Variants in ADK observed in about 807,000 individuals in gnomAD.
ADK encodes the protein N6,N6-dimethyladenosine kinase.
Under a neutral mutation model 44.7 loss-of-function variants are expected in ADK, and 24 were observed. The ratio of observed to expected loss-of-function variants is 0.54; its 90% CI spans 0.39 to 0.76. ADK has a LOEUF of 0.76. Among genes scored for constraint, ADK ranks in the 30% least tolerant of loss-of-function variants. The pLI is 0.00. For missense variants in ADK, 321 were observed against 425.1 expected (o/e 0.76, Z 2.15); for synonymous variants, 128 against 142.6 (o/e 0.90, Z 0.73).
chr10:74,392,220 T>A (rs1326802067), intron 4 of ADK, among the ~76,000 whole-genome samples: 2 of 152,170 alleles, frequency 1.3e-5, no homozygotes, highest in African/African-American at 4.8e-5. Context: ...TTTTTAATAT[T>A]TCTTTCAGGA....
intron 8 of ADK, among the ~76,000 whole-genome samples, chr10:74,593,438 A>G (rs1377061776): frequency 2.0e-5 from 3 of 150,626 alleles, no homozygotes; most frequent in African/African-American, 4.9e-5. Context: ...TATGATGGCT[A>G]TGGAATGACC....
intron 3 of ADK, among the ~76,000 whole-genome samples, chr10:74,258,352 A>G (rs1270123978): frequency 6.6e-6 from 1 of 152,140 alleles, no homozygotes; most frequent in Non-Finnish European, 1.5e-5. Context: ...ATTTACTTTC[A>G]AAGTACTCAG....
At chr10:74,225,160 C>T (rs1049794228) in intron 3 of ADK, among the ~76,000 whole-genome samples, 1 of 152,196 alleles carries the variant, frequency 6.6e-6, no homozygotes, top group African/African-American at 2.4e-5. Flanking sequence ...TCATTGCAAC[C>T]TCTCATTCCT....
chr10:74,199,458 T>C (rs1293211927), intron 1 of ADK, among the ~76,000 whole-genome samples: 1 of 152,188 alleles, frequency 6.6e-6, no homozygotes, highest in African/African-American at 2.4e-5. Context: ...GCTTTCTGTT[T>C]CTATGTTAAT....
intron 6 of ADK, among the ~76,000 whole-genome samples, chr10:74,403,421 A>G (rs1843786672): frequency 6.6e-6 from 1 of 151,948 alleles, no homozygotes; most frequent in African/African-American, 2.4e-5. Context: ...CGCTTTGTTT[A>G]CCTACTCAAG....
rs1218365325 is a variant in ADK at position 74,668,540 on chromosome 10, G to T, written c.878-1643G>T. ...TCACTTGAGGTCAGGAGTTCAAGAC[G>T]AGCCTGGCCAACATGGCAAAACCTA... On this transcript the variant is annotated intron_variant, in intron 9 of 10. Coordinates refer to ENST00000539909, the MANE Select transcript of ADK (RefSeq NM_006721.4). Among the ~76,000 whole-genome samples, 5 of 152,022 alleles carry T rather than the reference G, an allele frequency of 3.3e-5. No homozygotes were observed. In the South Asian group the frequency reaches 6.2e-4, roughly 19 times the overall value.
At chr10:74,632,699 A>G (rs1183218481) in intron 9 of ADK, among the ~76,000 whole-genome samples, 1 of 152,114 alleles carries the variant, frequency 6.6e-6, no homozygotes, top group African/African-American at 2.4e-5. Context: ...ATCTGCAAAG[A>G]CTTTATTTCC....
chr10:74,686,799 C>G (rs185152909), intron 10 of ADK, among the ~76,000 whole-genome samples: 1 of 152,068 alleles, frequency 6.6e-6, no homozygotes, highest in Non-Finnish European at 1.5e-5. Context: ...GCCTCAGCCT[C>G]CCAAGTAGCT....
At chr10:74,389,456 GA>G (rs1211658605) in intron 4 of ADK, among the ~76,000 whole-genome samples, 3 of 152,116 alleles carry the variant, frequency 2.0e-5, no homozygotes, top group Non-Finnish European at 2.9e-5. Flanking sequence ...AATTTTAACA[GA>G]AATCTTTGCA....
chr10:74,265,435 C>T (rs898280533), intron 3 of ADK, among the ~76,000 whole-genome samples: 3 of 152,002 alleles, frequency 2.0e-5, no homozygotes, highest in Admixed American at 1.3e-4. Flanking sequence ...AAGATGGTCT[C>T]AATCTCCTGA....
rs1295148071 is a variant in ADK, at chr10:74,537,678, C to G, written c.726+12252C>G. Among the ~76,000 whole-genome samples the G allele has an allele frequency of 2.0e-5, 3 of 152,058 alleles. No individual in the cohort carries two copies. The East Asian group carries it at 5.8e-4, about 29-fold the overall frequency. ...CCATAATCACTAGATAATTAACCTG[C>G]AAGGATTAAGTACACTCAACTTTGC... On this transcript the variant is annotated intron_variant, in intron 7 of 10. Transcript: ENST00000539909.
intron 7 of ADK, among the ~76,000 whole-genome samples, chr10:74,529,697 T>C (rs1025582789): frequency 2.0e-5 from 3 of 152,124 alleles, no homozygotes; most frequent in South Asian, 2.1e-4. Context: ...CTTTTCTCTT[T>C]TGGTATGATT....
chr10:74,610,829 A>G (rs1852512763), intron 9 of ADK, among the ~76,000 whole-genome samples: 1 of 152,106 alleles, frequency 6.6e-6, no homozygotes, highest in Non-Finnish European at 1.5e-5. Context: ...ACCTTATTAT[A>G]TTAAGCATGG....
intron 10 of ADK, among the ~76,000 whole-genome samples, chr10:74,700,634 GAAAAGA>G (rs1310312348): frequency 6.6e-6 from 1 of 150,408 alleles, no homozygotes; most frequent in Non-Finnish European, 1.5e-5. Flanking sequence ...AAAAAAAAAA[GAAAAGA>G]AAAAGAAAGA....
chr10:74,515,603 G>A (rs565749004), intron 6 of ADK, among the ~76,000 whole-genome samples: 347 of 152,272 alleles, frequency 2.3e-3, no homozygotes, highest in Non-Finnish European at 4.3e-3. Flanking sequence ...GGGGGTAAAG[G>A]ACTGTTGGGC....
intron 6 of ADK, among the ~76,000 whole-genome samples, chr10:74,477,252 T>G (rs117520661): frequency 0.016 from 2,509 of 152,258 alleles, 40 homozygotes; most frequent in Non-Finnish European, 0.029. Flanking sequence ...TTGCCTAGGC[T>G]GGAGTACAGT....
intron 7 of ADK, among the ~76,000 whole-genome samples, chr10:74,588,637 A>G (rs1288053882): frequency 6.6e-6 from 1 of 152,208 alleles, no homozygotes; most frequent in Non-Finnish European, 1.5e-5. Context: ...AAGGCAAAGA[A>G]TATTTGGTGA....
chr10:74,680,037 G>A (rs762444160), intron 10 of ADK, among the ~76,000 whole-genome samples: 9 of 150,942 alleles, frequency 6.0e-5, no homozygotes, highest in East Asian at 2.0e-4. Flanking sequence ...AGTACAGGCC[G>A]GGCACGGTGG....
chr10:74,270,580 C>T (rs769821917), intron 3 of ADK, among the ~76,000 whole-genome samples: 4 of 152,130 alleles, frequency 2.6e-5, no homozygotes, highest in Non-Finnish European at 4.4e-5. Flanking sequence ...TAGTTTTAAC[C>T]TTGTTGGTTC....
Sources: allele counts gnomAD v4.1 joint callset (sites outside exome capture counted in the v4.1 genomes callset), GRCh38; gene constraint gnomAD v4.1.1; transcripts MANE v1.5; gene names NCBI Gene and HGNC (gene_info 2026-07-23, HGNC 2026-07-21).